The following LRRK2 variants were observed in gnomAD, a reference collection of about 807,000 sequenced individuals.
The protein encoded by LRRK2 is leucine rich repeat kinase 2, also known as leucine-rich repeat serine/threonine-protein kinase 2.
In LRRK2, 203 loss-of-function variants were observed where a neutral mutation model predicts 302.6. The observed-to-expected ratio is 0.67, with a 90% confidence interval of 0.60 to 0.75. The LOEUF (loss-of-function observed/expected upper bound fraction) is 0.75. Among genes scored for constraint, LRRK2 ranks in the 30% least tolerant of loss-of-function variants. The pLI, the probability that LRRK2 is intolerant of heterozygous loss-of-function variation, is 0.00. For synonymous variants in LRRK2, 1,066 were observed against 1,031.9 expected (o/e 1.03, Z -0.63); for missense variants, 2,830 against 2,951.0 (o/e 0.96, Z 0.95).
intron 47 of LRRK2, among the ~76,000 whole-genome samples, chr12:40,361,389 A>G (rs1946701527): frequency 6.6e-6 from 1 of 152,108 alleles, no homozygotes; most frequent in Non-Finnish European, 1.5e-5. Context: ...ATACATGTGC[A>G]GGTTTGTTAC....
chr12:40,313,139 T>A (rs886326265), intron 31 of LRRK2, among the ~76,000 whole-genome samples: 1 of 152,074 alleles, frequency 6.6e-6, no homozygotes, highest in African/African-American at 2.4e-5. Context: ...ATAAAAAGAA[T>A]ATGTAATTTC....
Position 40,230,069 on chromosome 12 carries a change from A to T in LRRK2, c.238-2205A>T, listed in dbSNP as rs187305979. 1.1e-3 allele frequency among the ~76,000 whole-genome samples: 164 copies of T among 148,662 alleles called. No homozygotes were observed. In the East Asian group the frequency reaches 0.012, roughly 11 times the overall value. ...ATTCTATGAAAGCACAAAAATAGTC[A>T]GTTTCTATGACAGCTGGATTGTCAA... On this transcript the variant is annotated intron_variant, in intron 2 of 50. Coordinates refer to ENST00000298910, the MANE Select transcript of LRRK2 (RefSeq NM_198578.4).
At chr12:40,326,044 C>A (rs758931345) in intron 38 of LRRK2, among the ~76,000 whole-genome samples, 1 of 152,124 alleles carries the variant, frequency 6.6e-6, no homozygotes, top group African/African-American at 2.4e-5. Flanking sequence ...TCTTTCCAAC[C>A]TAGATGTCAC....
intron 10 of LRRK2, 87 bp from the exon 11 acceptor site, chr12:40,252,823 T>C: frequency 1.2e-6 from 1 of 848,230 alleles, no homozygotes; most frequent in East Asian, 2.5e-5. Context: ...TCTTAATTGT[T>C]GTTAGAGATA....
At chr12:40,313,582 AG>A (rs1430779215) in intron 31 of LRRK2, among the ~76,000 whole-genome samples, 2 of 152,006 alleles carry the variant, frequency 1.3e-5, no homozygotes, top group African/African-American at 4.8e-5. Flanking sequence ...AATATCCAAA[AG>A]CTCTTGTAAT....
Position 40,346,852 on chromosome 12 carries a change from G to A in LRRK2, c.6209G>A (p.Gly2070Glu). The A allele has an allele frequency of 6.2e-7, 1 of 1,613,872 alleles. No individual in the cohort carries two copies. Among genetic ancestry groups the A allele is most frequent in the Non-Finnish European group, 8.5e-7 (1 of 1,179,848 alleles). ...CTACTCTATGACATTTTGACAACTG[G>A]AGGTAGAATAGTAGAGGGTTTGAAG... is the stretch of plus-strand genomic sequence containing the variant. ...GLLLYDILTT[G>E]GRIVEGLKFP... is the part of the protein sequence containing the mutation. The change falls in exon 42 of 51, where the codon GGA becomes GAA. Residue 2070 changes from glycine (G) to glutamate (E), a missense_variant. Coordinates refer to ENST00000298910, the MANE Select transcript of LRRK2 (RefSeq NM_198578.4).
intron 7 of LRRK2, among the ~76,000 whole-genome samples, chr12:40,247,327 T>A (rs926023121): frequency 6.6e-6 from 1 of 151,708 alleles, no homozygotes; most frequent in Non-Finnish European, 1.5e-5. Flanking sequence ...TTGAATGTTG[T>A]TATATGACTA....
chr12:40,340,777 G>GTT (rs1161454091), intron 41 of LRRK2, among the ~76,000 whole-genome samples: 1 of 152,134 alleles, frequency 6.6e-6, no homozygotes, highest in East Asian at 1.9e-4. Flanking sequence ...CTTTAGTCTA[G>GTT]GTATTGTTGG....
chr12:40,237,880 CTTCATGTAAAAATTAA>C, intron 4 of LRRK2, 73 bp from the exon 5 acceptor site: 2 of 1,389,074 alleles, frequency 1.4e-6, no homozygotes, highest in Non-Finnish European at 2.0e-6. Context: ...CATTCACAGT[CTTCATGTAAAAATTAA>C]TTCATGTAAA....
chr12:40,250,875 A>G (rs1189239130), intron 8 of LRRK2, among the ~76,000 whole-genome samples: 1 of 152,132 alleles, frequency 6.6e-6, no homozygotes, highest in Non-Finnish European at 1.5e-5. Context: ...TCCATGGTAT[A>G]TATGTACCAC....
At chr12:40,274,122 G>T (rs1943349201) in intron 14 of LRRK2, among the ~76,000 whole-genome samples, 1 of 152,148 alleles carries the variant, frequency 6.6e-6, no homozygotes, top group African/African-American at 2.4e-5. Context: ...CAAAGCACTT[G>T]CAGTAAAGAC....
intron 32 of LRRK2, among the ~76,000 whole-genome samples, chr12:40,314,891 T>A (rs987195965): frequency 1.3e-5 from 2 of 152,062 alleles, no homozygotes; most frequent in African/African-American, 4.8e-5. Context: ...TATTTGAAAA[T>A]AAAACATGTC....
At chr12:40,363,311 T>TTC in intron 47 of LRRK2, 91 bp from the exon 48 acceptor site, 2 of 1,108,620 alleles carry the variant, frequency 1.8e-6, no homozygotes, top group Non-Finnish European at 2.5e-6. Flanking sequence ...ATAGTGTTTT[T>TTC]ACATTAAGAA....
chr12:40,284,608 A>G (rs1048054137), intron 19 of LRRK2, among the ~76,000 whole-genome samples: 1 of 152,152 alleles, frequency 6.6e-6, no homozygotes, highest in Non-Finnish European at 1.5e-5. Context: ...TTATATTTCA[A>G]TTGATAATGC....
rs1946640774 is a variant in LRRK2, at chr12:40,359,509, T to C, written c.7028+65T>C. 3.3e-6 allele frequency: 4 copies of C among 1,219,542 alleles called. No individual in the cohort carries two copies. In the South Asian group the frequency reaches 5.2e-5, roughly 16 times the overall value. The allele number at this position is 1,219,542 out of a possible 1,614,324, so 75.5% of individuals were successfully genotyped here. ...ACTTTTGTTTTTTCCTTATAATCAT[T>C]AATAATACTGTTGATAATTCATAAG... is the stretch of plus-strand genomic sequence containing the variant. On this transcript the variant is annotated intron_variant, in intron 47 of 50. Coordinates refer to ENST00000298910, the MANE Select transcript of LRRK2 (RefSeq NM_198578.4).
At chr12:40,339,522 C>G (rs1410909057) in intron 40 of LRRK2, among the ~76,000 whole-genome samples, 1 of 152,146 alleles carries the variant, frequency 6.6e-6, no homozygotes, top group Non-Finnish European at 1.5e-5. Flanking sequence ...ATGTCCAACT[C>G]TAGTTGCTCG....
rs1282567862 is a variant in LRRK2, at chr12:40,259,697, G to A, written c.1543+93G>A. The stretch of plus-strand genomic sequence containing the variant: ...GCAATATTCTAGGCAAATATTAAAA[G>A]ACTAGTTTCTGTCGACTAAATGTAA... On this transcript the variant is annotated intron_variant, in intron 13 of 50. Coordinates refer to ENST00000298910, the MANE Select transcript of LRRK2 (RefSeq NM_198578.4). 6.0e-6 allele frequency: 9 copies of A among 1,489,866 alleles called. No individual in the cohort carries two copies. The African/African-American group carries it at 1.2e-4, about 21-fold the overall frequency. The allele number at this position is 1,489,866 out of a possible 1,614,324, so 92.3% of individuals were successfully genotyped here.
chr12:40,321,560 AAT>A (rs1367544866), intron 35 of LRRK2, among the ~76,000 whole-genome samples: 1 of 152,068 alleles, frequency 6.6e-6, no homozygotes, highest in Non-Finnish European at 1.5e-5. Flanking sequence ...TTCTAAAATA[AAT>A]AGAGACATTT....
chr12:40,233,261 T>C (rs987695548), intron 3 of LRRK2, among the ~76,000 whole-genome samples: 1 of 152,142 alleles, frequency 6.6e-6, no homozygotes, highest in African/African-American at 2.4e-5. Context: ...ACTTTAAATC[T>C]TTTTTATACC....
Sources: allele counts gnomAD v4.1 joint callset (sites outside exome capture counted in the v4.1 genomes callset), GRCh38; gene constraint gnomAD v4.1.1; transcripts MANE v1.5; gene names NCBI Gene and HGNC (gene_info 2026-07-23, HGNC 2026-07-21).